REEP5: variants seen among roughly 807,000 people sequenced by gnomAD.
REEP5 encodes the protein receptor expression-enhancing protein 5.
REEP5 carries 24 observed loss-of-function variants against 22.4 expected under a neutral mutation model. The ratio of observed to expected loss-of-function variants is 1.07; its 90% CI spans 0.78 to 1.51. REEP5 has a LOEUF of 1.51. Ranked by LOEUF, REEP5 falls within the 40% of genes most tolerant of loss-of-function variation. The probability of loss-of-function intolerance (pLI) is 0.00; values close to 1 mark genes in which losing one functional copy is unlikely to be tolerated. For missense variants in REEP5, 252 were observed against 233.0 expected (o/e 1.08, Z -0.53); for synonymous variants, 103 against 88.6 (o/e 1.16, Z -0.92).
At chr5:112,917,737 G>A (rs1363034704) in intron 2 of REEP5, among the ~76,000 whole-genome samples, 1 of 152,132 alleles carries the variant, frequency 6.6e-6, no homozygotes, top group African/African-American at 2.4e-5. Context: ...TTAGAAGCAG[G>A]GCTGCACCAG....
chr5:112,916,479 G>C (rs998249042), intron 2 of REEP5, among the ~76,000 whole-genome samples: 4 of 152,172 alleles, frequency 2.6e-5, no homozygotes, highest in Non-Finnish European at 5.9e-5. Context: ...TAACAGATAA[G>C]AAAAGTTGTT....
At chr5:112,881,359 C>G (rs905439532) in intron 4 of REEP5, among the ~76,000 whole-genome samples, 1 of 152,080 alleles carries the variant, frequency 6.6e-6, no homozygotes, top group Admixed American at 6.5e-5. Context: ...CAGGCAACCT[C>G]ACAACTCCCA....
chr5:112,878,712 C>A lies in REEP5; in HGVS notation c.*74G>T, dbSNP rs958173411. 3.5e-5 allele frequency: 55 copies of A among 1,568,654 alleles called. No homozygotes were observed. In the Admixed American group the frequency reaches 3.6e-4, roughly 10 times the overall value. ...AGGCAACATTATTAAAATAATTATA[C>A]CACAGTCCCTAATATAACATCAAGC... On this transcript the variant is annotated 3_prime_UTR_variant, in exon 5 of 5. Coordinates refer to ENST00000379638, the MANE Select transcript of REEP5 (RefSeq NM_005669.5).
chr5:112,877,949 G>C lies in REEP5; in HGVS notation c.*837C>G, dbSNP rs1767946770. ...TATAGCAGATAAGACAGTATTACTA[G>C]TTTTTCAGGGAATTGAGAGTTACAG... On this transcript the variant is annotated 3_prime_UTR_variant, in exon 5 of 5. Transcript: ENST00000379638. 6.6e-6 allele frequency: 1 copy of C among 151,398 alleles called. No individual in the cohort carries two copies. The highest frequency in any genetic ancestry group is 6.6e-5 in the Admixed American group (1 of 15,168). 9.4% of individuals were successfully genotyped at this position (151,398 alleles called of 1,614,324 possible). A position where few individuals can be genotyped will look rare whatever the true frequency, so the allele number is the denominator to read the frequency against.
intron 2 of REEP5, among the ~76,000 whole-genome samples, chr5:112,917,922 G>C (rs1427819614): frequency 6.6e-6 from 1 of 152,136 alleles, no homozygotes; most frequent in Admixed American, 6.5e-5. Flanking sequence ...AGACAGTGGT[G>C]ATGGTTACAC....
At position 112,877,755 on chromosome 5, in the gene REEP5, CAAG is replaced by C. The variant is rs954979548; in HGVS notation, c.*1028_*1030del. On this transcript the variant is annotated 3_prime_UTR_variant, in exon 5 of 5. Transcript: ENST00000379638. ...AGCATGTTGTTGCTAATGATACAAA[CAAG>C]AACATACATGTAATCAGAGGTGGAC... 1.3e-5 allele frequency: 2 copies of C among 152,110 alleles called. No individual in the cohort carries two copies. Among genetic ancestry groups the C allele is most frequent in the African/African-American group, 4.8e-5 (2 of 41,406 alleles). 9.4% of individuals were successfully genotyped at this position (152,110 alleles called of 1,614,324 possible).
At position 112,878,008 on chromosome 5, in the gene REEP5, TG is replaced by T. The variant is rs1767950671; in HGVS notation, c.*777del. The T allele has an allele frequency of 6.8e-6, 1 of 148,056 alleles. No individual in the cohort carries two copies. The highest frequency in any genetic ancestry group is 1.5e-5 in the Non-Finnish European group (1 of 66,814). 9.2% of individuals were successfully genotyped at this position (148,056 alleles called of 1,614,324 possible). A position where few individuals can be genotyped will look rare whatever the true frequency, so the allele number is the denominator to read the frequency against. ...GTGTGTGTGTGTGTGTGTGTGTGTG[TG>T]TGTGTGTGTGTGTAAATTTCCCGAT... On this transcript the variant is annotated 3_prime_UTR_variant, in exon 5 of 5. Coordinates refer to ENST00000379638, the MANE Select transcript of REEP5 (RefSeq NM_005669.5).
chr5:112,891,981 A>G, intron 3 of REEP5: 1 of 1,243,098 alleles, frequency 8.0e-7, no homozygotes, highest in East Asian at 2.3e-5. Context: ...AGTTAAAGGA[A>G]CAATGGAAAG....
chr5:112,909,738 T>G (rs537959556), intron 2 of REEP5, among the ~76,000 whole-genome samples: 2 of 152,314 alleles, frequency 1.3e-5, no homozygotes, highest in Admixed American at 6.5e-5. Context: ...ACCAGTTCAC[T>G]CCACCCTTGC....
chr5:112,918,204 G>T (rs184095005), intron 2 of REEP5, among the ~76,000 whole-genome samples: 1 of 152,106 alleles, frequency 6.6e-6, no homozygotes, highest in African/African-American at 2.4e-5. Context: ...GAAAGACCCT[G>T]TTCTCAAAGA....
intron 3 of REEP5, among the ~76,000 whole-genome samples, chr5:112,899,394 C>T (rs998176205): frequency 4.6e-5 from 7 of 152,096 alleles, no homozygotes; most frequent in African/African-American, 1.7e-4. Flanking sequence ...GTCCTTCTGC[C>T]TTGGCCTCCG....
At chr5:112,900,001 A>G (rs1045300373) in intron 3 of REEP5, among the ~76,000 whole-genome samples, 6 of 152,208 alleles carry the variant, frequency 3.9e-5, no homozygotes, top group Admixed American at 3.9e-4. Flanking sequence ...GTACCATTAC[A>G]TGTCCATTTC....
chr5:112,913,371 AAGAAAGAAAG>A (rs143767526), intron 2 of REEP5, among the ~76,000 whole-genome samples: 80,559 of 144,612 alleles, frequency 0.56, 25,091 homozygotes, highest in African/African-American at 0.86. Context: ...GGAAAGAAAG[AAGAAAGAAAG>A]AGAAAGAAAG....
At position 112,891,986 on chromosome 5, in the gene REEP5, G is replaced by A. The variant is rs1251511178; in HGVS notation, c.352-4803C>T. 1.2e-5 allele frequency: 15 copies of A among 1,249,830 alleles called. No individual in the cohort carries two copies. The Admixed American group carries it at 2.5e-4, about 21-fold the overall frequency. 77.4% of individuals were successfully genotyped at this position (1,249,830 alleles called of 1,614,324 possible). On this transcript the variant is annotated intron_variant, in intron 3 of 4. Transcript: ENST00000379638. Reference sequence around the variant, plus strand: ...CAAGAGAGAAAGTTAAAGGAACAATGGAAAGAACAGCAGAGGAAAGAGAGA... The same window carrying A: ...CAAGAGAGAAAGTTAAAGGAACAATAGAAAGAACAGCAGAGGAAAGAGAGA...
intron 2 of REEP5, among the ~76,000 whole-genome samples, chr5:112,919,170 T>C (rs1009271631): frequency 1.3e-5 from 2 of 152,258 alleles, no homozygotes; most frequent in East Asian, 3.9e-4. Context: ...GGTCTGAATG[T>C]TGTGTTCCCC....
intron 2 of REEP5, among the ~76,000 whole-genome samples, chr5:112,906,235 C>T (rs1220410386): frequency 2.0e-5 from 3 of 152,110 alleles, no homozygotes; most frequent in Non-Finnish European, 4.4e-5. Flanking sequence ...CAGAAGAAAC[C>T]GAGGCTTAGT....
intron 3 of REEP5, chr5:112,891,597 C>T: frequency 1.3e-6 from 2 of 1,560,582 alleles, no homozygotes; most frequent in Non-Finnish European, 1.7e-6. Context: ...CCATATATTC[C>T]CATAGGTTAA....
chr5:112,884,815 C>T (rs937680822), intron 4 of REEP5, among the ~76,000 whole-genome samples: 1 of 151,542 alleles, frequency 6.6e-6, no homozygotes, highest in Non-Finnish European at 1.5e-5. Context: ...TATTTTTTCC[C>T]TATATTATAT....
intron 3 of REEP5, among the ~76,000 whole-genome samples, chr5:112,899,336 GGTCTCAC>G (rs1768790544): frequency 6.6e-6 from 1 of 151,848 alleles, no homozygotes; most frequent in Non-Finnish European, 1.5e-5. Context: ...GTGGAGACAG[GGTCTCAC>G]CATGTTGCCC....
Sources: allele counts gnomAD v4.1 joint callset (sites outside exome capture counted in the v4.1 genomes callset), GRCh38; gene constraint gnomAD v4.1.1; transcripts MANE v1.5; gene names NCBI Gene and HGNC (gene_info 2026-07-23, HGNC 2026-07-21).